The following SH3RF3 variants were observed in gnomAD, a reference collection of about 807,000 sequenced individuals.
SH3RF3 encodes the protein SH3 domain containing ring finger 3.
Under a neutral mutation model 66.3 loss-of-function variants are expected in SH3RF3, and 29 were observed. The ratio of observed to expected loss-of-function variants is 0.44; its 90% CI spans 0.33 to 0.60. SH3RF3 has a LOEUF of 0.60. SH3RF3 is among the 20% of genes least tolerant of loss of function. The probability of loss-of-function intolerance (pLI) is 0.04; values close to 1 mark genes in which losing one functional copy is unlikely to be tolerated. For synonymous variants in SH3RF3, 583 were observed against 532.0 expected (o/e 1.10, Z -1.32); for missense variants, 1,194 against 1,190.9 (o/e 1.00, Z -0.04).
chr2:109,469,818 G>A (rs1023072579), intron 8 of SH3RF3, among the ~76,000 whole-genome samples: 1 of 152,184 alleles, frequency 6.6e-6, no homozygotes, highest in Non-Finnish European at 1.5e-5. Flanking sequence ...AGGTAGATCC[G>A]AATTTTTCCA....
At chr2:109,253,029 T>TC (rs1680131522) in intron 1 of SH3RF3, among the ~76,000 whole-genome samples, 1 of 152,030 alleles carries the variant, frequency 6.6e-6, no homozygotes, top group Non-Finnish European at 1.5e-5. Flanking sequence ...ACTTTTTTTT[T>TC]CTTTTTTTTT....
chr2:109,436,830 G>A (rs1677413735), intron 6 of SH3RF3, 63 bp from the exon 7 acceptor site: 2 of 1,563,758 alleles, frequency 1.3e-6, no homozygotes, highest in South Asian at 2.4e-5. Flanking sequence ...CTCTGCCAGA[G>A]GCCCACATGG....
At chr2:109,390,386 C>T (rs968637075) in intron 3 of SH3RF3, among the ~76,000 whole-genome samples, 1 of 152,208 alleles carries the variant, frequency 6.6e-6, no homozygotes. Context: ...TCTGCTGCTC[C>T]TGGTACTTTT....
chr2:109,301,472 A>G (rs1357525198), intron 1 of SH3RF3, among the ~76,000 whole-genome samples: 1 of 152,040 alleles, frequency 6.6e-6, no homozygotes, highest in East Asian at 1.9e-4. Context: ...GTTTGATGGC[A>G]GGTGTCTGAG....
chr2:109,385,678 C>A (rs948357463), intron 3 of SH3RF3, among the ~76,000 whole-genome samples: 2 of 152,340 alleles, frequency 1.3e-5, no homozygotes, highest in Admixed American at 1.3e-4. Flanking sequence ...GAGCACCCCA[C>A]ACAAGCTCTC....
intron 2 of SH3RF3, among the ~76,000 whole-genome samples, chr2:109,360,725 T>C (rs1247194116): frequency 6.6e-6 from 1 of 152,264 alleles, no homozygotes; most frequent in African/African-American, 2.4e-5. Context: ...CAGTTGGTTC[T>C]TTCAGATTTT....
At chr2:109,494,458 G>A (rs1335100267) in intron 9 of SH3RF3, among the ~76,000 whole-genome samples, 2 of 152,160 alleles carry the variant, frequency 1.3e-5, no homozygotes, top group Non-Finnish European at 2.9e-5. Flanking sequence ...GGTCGGAGCT[G>A]AGGGCATGAC....
intron 1 of SH3RF3, among the ~76,000 whole-genome samples, chr2:109,344,029 C>T (rs142998494): frequency 1.3e-5 from 2 of 152,278 alleles, no homozygotes; most frequent in African/African-American, 4.8e-5. Context: ...TAGGCGTGAG[C>T]CACCATACCC....
At chr2:109,330,323 TTC>T (rs1235118892) in intron 1 of SH3RF3, among the ~76,000 whole-genome samples, 1 of 152,250 alleles carries the variant, frequency 6.6e-6, no homozygotes, top group Non-Finnish European at 1.5e-5. Flanking sequence ...GGCAAAATTC[TTC>T]TCTTGTGCCT....
At chr2:109,484,116 T>G (rs1224389801) in intron 8 of SH3RF3, among the ~76,000 whole-genome samples, 7 of 150,780 alleles carry the variant, frequency 4.6e-5, no homozygotes, top group African/African-American at 1.7e-4. Flanking sequence ...TCTCCTAGGC[T>G]GGAGTGCAGT....
At chr2:109,408,517 C>T (rs755153651) in intron 4 of SH3RF3, among the ~76,000 whole-genome samples, 3 of 152,216 alleles carry the variant, frequency 2.0e-5, no homozygotes, top group Non-Finnish European at 4.4e-5. Context: ...GGGTCCCACA[C>T]GCGCTCACGC....
intron 1 of SH3RF3, among the ~76,000 whole-genome samples, chr2:109,275,879 A>G (rs192344314): frequency 6.6e-5 from 10 of 151,938 alleles, no homozygotes; most frequent in African/African-American, 2.4e-4. Flanking sequence ...TTTTGAGTCC[A>G]CTCTAGGTTT....
Position 109,371,630 on chromosome 2 carries a change from G to A in SH3RF3, c.894G>A (p.Ala298=), listed in dbSNP as rs373361477. 27 of 1,613,916 alleles carry A rather than the reference G, an allele frequency of 1.7e-5. No individual in the cohort carries two copies. The highest frequency in any genetic ancestry group is 1.3e-4 in the African/African-American group (10 of 74,922). Residue 298 remains alanine, a synonymous_variant, in exon 3 of 10, where the codon GCG becomes GCA. Coordinates refer to ENST00000309415, the MANE Select transcript of SH3RF3 (RefSeq NM_001099289.3). ...TVLRRVDENW[A]EGMLGDKIGI... The stretch of plus-strand genomic sequence containing the variant: ...TCAGGAGAGTGGATGAGAACTGGGC[G>A]GAAGGCATGCTGGGAGACAAGATCG...
intron 1 of SH3RF3, among the ~76,000 whole-genome samples, chr2:109,195,387 G>T (rs1206192401): frequency 6.6e-6 from 1 of 152,226 alleles, no homozygotes; most frequent in Non-Finnish European, 1.5e-5. Flanking sequence ...CTGCCCTCTG[G>T]GACCAGGCAG....
chr2:109,435,534 T>C (rs1677375976), intron 6 of SH3RF3, among the ~76,000 whole-genome samples: 1 of 152,160 alleles, frequency 6.6e-6, no homozygotes, highest in Admixed American at 6.5e-5. Flanking sequence ...GAGCTGAGCA[T>C]TGTGAGTCCA....
At chr2:109,241,216 G>A (rs1375948896) in intron 1 of SH3RF3, among the ~76,000 whole-genome samples, 1 of 149,948 alleles carries the variant, frequency 6.7e-6, no homozygotes, top group African/African-American at 2.5e-5. Flanking sequence ...TGAAAAAGCA[G>A]TTTGTTTGTC....
chr2:109,489,742 G>T (rs1475460564), intron 8 of SH3RF3, among the ~76,000 whole-genome samples: 2 of 128,372 alleles, frequency 1.6e-5, no homozygotes, highest in African/African-American at 5.7e-5. Context: ...TTTTTTGGCG[G>T]GGGGTGGGCG....
At chr2:109,459,918 T>C (rs753690541) in intron 8 of SH3RF3, among the ~76,000 whole-genome samples, 1 of 152,180 alleles carries the variant, frequency 6.6e-6, no homozygotes, top group South Asian at 2.1e-4. Context: ...GTAGGAGAAA[T>C]AGCACCATAT....
At chr2:109,283,309 T>C in intron 1 of SH3RF3, among the ~76,000 whole-genome samples, 1 of 152,176 alleles carries the variant, frequency 6.6e-6, no homozygotes, top group Non-Finnish European at 1.5e-5. Context: ...CTTGTGGGCC[T>C]GCTGGACACC....
Sources: gnomAD v4.1 joint callset for allele counts (sites outside exome capture counted in the v4.1 genomes callset) on GRCh38, gnomAD v4.1.1 for gene constraint, MANE v1.5 for transcripts, NCBI Gene and HGNC (gene_info 2026-07-23, HGNC 2026-07-21) for gene names.